DNAH12: variants seen among roughly 807,000 people sequenced by gnomAD.
DNAH12 encodes the protein dynein axonemal heavy chain 12.
In DNAH12, 285 loss-of-function variants were observed where a neutral mutation model predicts 371.5. The ratio of observed to expected loss-of-function variants is 0.77; its 90% CI spans 0.70 to 0.85. The LOEUF is 0.85. Ranked by LOEUF, DNAH12 falls within the 40% of genes least tolerant of loss-of-function variation. The probability of loss-of-function intolerance (pLI) is 0.00; values close to 1 mark genes in which losing one functional copy is unlikely to be tolerated. For missense variants in DNAH12, 3,611 were observed against 3,689.4 expected (o/e 0.98, Z 0.55); for synonymous variants, 1,200 against 1,213.0 (o/e 0.99, Z 0.22).
At chr3:57,525,326 GTGAA>G (rs1276207963) in intron 2 of DNAH12, among the ~76,000 whole-genome samples, 3 of 152,086 alleles carry the variant, frequency 2.0e-5, no homozygotes, top group Non-Finnish European at 4.4e-5. Context: ...TAAGCATCTG[GTGAA>G]TGAATGATCA....
At chr3:57,410,772 C>T (rs920545741) in intron 39 of DNAH12, among the ~76,000 whole-genome samples, 1 of 151,728 alleles carries the variant, frequency 6.6e-6, no homozygotes. Flanking sequence ...GCCAAGATCA[C>T]GCCACTACAC....
chr3:57,515,989 G>T (rs1054810831), intron 4 of DNAH12, among the ~76,000 whole-genome samples: 3 of 137,404 alleles, frequency 2.2e-5, no homozygotes, highest in African/African-American at 8.1e-5. Context: ...TCAATTAGTT[G>T]CTCACTCCAA....
chr3:57,383,770 A>G (rs2063446498), intron 49 of DNAH12, among the ~76,000 whole-genome samples: 1 of 151,824 alleles, frequency 6.6e-6, no homozygotes, highest in Admixed American at 6.6e-5. Context: ...AAAAAAAAAA[A>G]AAAAGGAGAA....
At chr3:57,382,846 AATAG>A (rs1329184039) in intron 49 of DNAH12, among the ~76,000 whole-genome samples, 1 of 152,244 alleles carries the variant, frequency 6.6e-6, no homozygotes, top group Non-Finnish European at 1.5e-5. Flanking sequence ...ATATTGTTAT[AATAG>A]ATAGTATAGA....
chr3:57,467,345 G>C (rs1044209001), intron 17 of DNAH12, among the ~76,000 whole-genome samples: 4 of 151,832 alleles, frequency 2.6e-5, no homozygotes, highest in Non-Finnish European at 5.9e-5. Flanking sequence ...TCGAACTCCT[G>C]ACCTCAGATC....
chr3:57,371,692 A>AC (rs2063174086), intron 55 of DNAH12, among the ~76,000 whole-genome samples: 9 of 117,452 alleles, frequency 7.7e-5, no homozygotes, highest in Non-Finnish European at 1.1e-4. Context: ...CACACACACA[A>AC]ACACACGTGC....
At chr3:57,374,636 C>A (rs1575518090) in intron 55 of DNAH12, among the ~76,000 whole-genome samples, 2 of 152,028 alleles carry the variant, frequency 1.3e-5, no homozygotes, top group East Asian at 3.8e-4. Flanking sequence ...TAGCCAGAAA[C>A]TAGAAATAGC....
At chr3:57,338,560 C>T (rs1296568234) in intron 60 of DNAH12, among the ~76,000 whole-genome samples, 1 of 148,566 alleles carries the variant, frequency 6.7e-6, no homozygotes, top group African/African-American at 2.5e-5. Flanking sequence ...GCCACCTCAT[C>T]TAGGAAGTGA....
In DNAH12 at chr3:57,472,530, T is replaced by A. The variant is rs1201844146; in HGVS notation, c.1776+16A>T. ...AATGTCAGATTACAAAAATACATACTGAAAAATATATTTACCTCATCATTT... is the reference window on the plus strand; with the variant it reads ...AATGTCAGATTACAAAAATACATACAGAAAAATATATTTACCTCATCATTT... On this transcript the variant is annotated intron_variant, in intron 14 of 73. Coordinates refer to ENST00000495027, the MANE Select transcript of DNAH12 (RefSeq NM_001366028.2). 3 of 1,536,990 alleles carry A rather than the reference T, an allele frequency of 2.0e-6. No individual in the cohort carries two copies. The Admixed American group carries it at 6.3e-5, about 32-fold the overall frequency.
chr3:57,469,613 A>T (rs951959736), intron 16 of DNAH12, among the ~76,000 whole-genome samples: 1 of 152,236 alleles, frequency 6.6e-6, no homozygotes, highest in Non-Finnish European at 1.5e-5. Context: ...GAATAAAAAA[A>T]ATTTGGTACA....
At position 57,526,299 on chromosome 3, in the gene DNAH12, T is replaced by C. The variant is rs2068642816; in HGVS notation, c.171-2415A>G. 2.0e-5 allele frequency among the ~76,000 whole-genome samples: 3 copies of C among 152,184 alleles called. No homozygotes were observed. The South Asian group carries it at 6.2e-4, about 31-fold the overall frequency. ...CTTATTTCACTTAACATAATGACCATCCATGTTGTTGCAAATGATAGGTTC... is the reference window on the plus strand; with the variant it reads ...CTTATTTCACTTAACATAATGACCACCCATGTTGTTGCAAATGATAGGTTC... On this transcript the variant is annotated intron_variant, in intron 2 of 73. Coordinates refer to ENST00000495027, the MANE Select transcript of DNAH12 (RefSeq NM_001366028.2).
chr3:57,419,606 G>T, intron 36 of DNAH12, 88 bp from the exon 37 acceptor site: 3 of 1,003,692 alleles, frequency 3.0e-6, no homozygotes, highest in Non-Finnish European at 3.9e-6. Context: ...TATTATATTA[G>T]CTTTTAAAAA....
In DNAH12 at chr3:57,501,393, GA is replaced by G. The variant is rs1237158366; in HGVS notation, c.1262del (p.Leu421ProfsTer10). Reference sequence around the variant, plus strand: ...TATTCTCAACTGCAGTCCCATCAAGGAGCCAATTATATTTTTCAACTGAAAA... The same window carrying G: ...TATTCTCAACTGCAGTCCCATCAAGGGCCAATTATATTTTTCAACTGAAAA... ...YETYVEKYNWLLDGTAVENIE... is the reference protein window; with the variant it reads ...YETYVEKYNWXLDGTAVENIE... On this transcript the variant is annotated frameshift_variant, in exon 11 of 74. Transcript: ENST00000495027. LOFTEE classifies it high-confidence loss of function. The G allele has an allele frequency of 1.3e-6, 2 of 1,586,794 alleles. No homozygotes were observed. The highest frequency in any genetic ancestry group is 4.6e-5 in the East Asian group (2 of 43,900).
chr3:57,510,414 G>A (rs1300510179), intron 5 of DNAH12, among the ~76,000 whole-genome samples: 1 of 152,108 alleles, frequency 6.6e-6, no homozygotes, highest in Non-Finnish European at 1.5e-5. Flanking sequence ...TGAGGTGGGT[G>A]GATGGCTTGA....
At chr3:57,361,444 C>CACTATATATATATATATA (rs1409626573) in intron 58 of DNAH12, among the ~76,000 whole-genome samples, 56 of 116,664 alleles carry the variant, frequency 4.8e-4, no homozygotes, top group African/African-American at 2.3e-3. Context: ...CACACACACA[C>CACTATATATATATATATA]TATATATATA....
chr3:57,508,200 C>CAAAAAAAAAAAAAAAAAAAAAAAAAA (rs11288020), intron 7 of DNAH12, among the ~76,000 whole-genome samples, 182 bp downstream of exon 7: 1 of 129,174 alleles, frequency 7.7e-6, no homozygotes. Flanking sequence ...AAAAAAAAAA[C>CAAAAAAAAAAAAAAAAAAAAAAAAAA]AAAAAAAAAA....
intron 60 of DNAH12, among the ~76,000 whole-genome samples, chr3:57,347,721 T>TA (rs367887966): frequency 0.49 from 64,641 of 131,042 alleles, 17,647 homozygotes; most frequent in Non-Finnish European, 0.66. Flanking sequence ...GAATCTGTCT[T>TA]AAAAAAAAAA....
chr3:57,405,107 TA>T lies in DNAH12; in HGVS notation c.6616del (p.Tyr2206IlefsTer2). The T allele has an allele frequency of 6.5e-7, 1 of 1,540,466 alleles. No individual in the cohort carries two copies. The highest frequency in any genetic ancestry group is 2.5e-5 in the East Asian group (1 of 40,136). ...EDLRNLMFGD[Y>X]MNPDLEGDDR... ...ATCTCCTTCAAGGTCAGGATTCATA[TA>T]ATCACCAAACATGAGATTTCTTAAG... On this transcript the variant is annotated frameshift_variant, in exon 42 of 74. Transcript: ENST00000495027. LOFTEE classifies it high-confidence loss of function.
chr3:57,389,839 T>TATATATATATTTATATATATAAAA (rs1326237791), intron 45 of DNAH12, among the ~76,000 whole-genome samples: 1 of 84,846 alleles, frequency 1.2e-5, no homozygotes, highest in Non-Finnish European at 2.8e-5. Flanking sequence ...TATATATATA[T>TATATATATATTTATATATATAAAA]AATACTTTTT....
Sources: gnomAD v4.1 joint callset for allele counts (sites outside exome capture counted in the v4.1 genomes callset) on GRCh38, gnomAD v4.1.1 for gene constraint, MANE v1.5 for transcripts, NCBI Gene and HGNC (gene_info 2026-07-23, HGNC 2026-07-21) for gene names.